Variants in CDK6 observed in about 807,000 individuals in gnomAD.
CDK6 encodes cyclin dependent kinase 6.
A neutral mutation model predicts 37.1 loss-of-function variants in CDK6; 6 were observed. The observed-to-expected ratio is 0.16, with a 90% CI of 0.09 to 0.32. The LOEUF (loss-of-function observed/expected upper bound fraction) is 0.32, where lower values mean the gene tolerates loss of function less well. CDK6 is among the 10% of genes least tolerant of loss of function. The probability of loss-of-function intolerance (pLI) is 1.00; values close to 1 mark genes in which losing one functional copy is unlikely to be tolerated. For synonymous variants in CDK6, 160 were observed against 161.3 expected (o/e 0.99, Z 0.06); for missense variants, 224 against 418.9 (o/e 0.53, Z 4.06).
At chr7:92,777,434 C>T (rs552392308) in intron 2 of CDK6, among the ~76,000 whole-genome samples, 10 of 152,250 alleles carry the variant, frequency 6.6e-5, no homozygotes, top group East Asian at 1.9e-4. Flanking sequence ...TTAGTAGAGA[C>T]GGGGTTACTC....
chr7:92,652,225 C>T (rs556952889), intron 5 of CDK6, among the ~76,000 whole-genome samples: 1 of 152,194 alleles, frequency 6.6e-6, no homozygotes, highest in Non-Finnish European at 1.5e-5. Flanking sequence ...ACACATCACC[C>T]ACCTGAGAGT....
In CDK6 at chr7:92,730,933, T is replaced by A. The variant is rs527573802; in HGVS notation, c.370-5140A>T. Among the ~76,000 whole-genome samples, 4 of 152,272 alleles carry A rather than the reference T, an allele frequency of 2.6e-5. No homozygotes were observed. The South Asian group carries it at 8.3e-4, about 32-fold the overall frequency. ...ATTGCTGGATCTATTCCCAGAATGT[T>A]TTAAAACCATGGTTCTCCCATAAAA... On this transcript the variant is annotated intron_variant, in intron 3 of 7. Transcript: ENST00000424848.
chr7:92,688,838 G>C (rs1797530902), intron 4 of CDK6, among the ~76,000 whole-genome samples: 1 of 152,024 alleles, frequency 6.6e-6, no homozygotes, highest in African/African-American at 2.4e-5. Flanking sequence ...CTTAGTTAAG[G>C]GGCAAACCAC....
chr7:92,756,926 G>C (rs959564395), intron 3 of CDK6, among the ~76,000 whole-genome samples: 1 of 152,056 alleles, frequency 6.6e-6, no homozygotes, highest in Admixed American at 6.5e-5. Context: ...TTGTGAGAGA[G>C]CTACTGAATT....
At position 92,609,829 on chromosome 7, in the gene CDK6, G is replaced by T; in HGVS notation, c.*5311C>A. ...TTCAAAAATTTTTTCTTGACTGAAT[G>T]AATGACTAGGCTTTCTTTACTTAAA... On this transcript the variant is annotated 3_prime_UTR_variant, in exon 8 of 8. Coordinates refer to ENST00000424848, the MANE Select transcript of CDK6 (RefSeq NM_001145306.2). The T allele has an allele frequency of 4.3e-6, 1 of 230,654 alleles. No homozygotes were observed. The highest frequency in any genetic ancestry group is 8.6e-6 in the Non-Finnish European group (1 of 116,480). The allele number at this position is 230,654 out of a possible 1,614,324, so 14.3% of individuals were successfully genotyped here.
At chr7:92,657,477 G>A (rs1349246609) in intron 5 of CDK6, among the ~76,000 whole-genome samples, 3 of 152,156 alleles carry the variant, frequency 2.0e-5, no homozygotes, top group African/African-American at 7.2e-5. Flanking sequence ...AGGCACTTCT[G>A]AAATTCTGTA....
chr7:92,670,810 A>T lies in CDK6; in HGVS notation c.647+616T>A, dbSNP rs564129754. Among the ~76,000 whole-genome samples, 5 of 152,246 alleles carry T rather than the reference A, an allele frequency of 3.3e-5. No individual in the cohort carries two copies. In the South Asian group the frequency reaches 1.0e-3, roughly 32 times the overall value. ...TCTCACAAACCCCAATCCACTCTTC[A>T]GATAACTGTCTAATCATTAGATTTC... On this transcript the variant is annotated intron_variant, in intron 5 of 7. Transcript: ENST00000424848.
chr7:92,745,800 T>C (rs974712138), intron 3 of CDK6, among the ~76,000 whole-genome samples: 1 of 152,186 alleles, frequency 6.6e-6, no homozygotes, highest in Non-Finnish European at 1.5e-5. Flanking sequence ...CTTCATACTA[T>C]ATTTATCAAT....
intron 2 of CDK6, among the ~76,000 whole-genome samples, chr7:92,825,968 C>T (rs563574951): frequency 2.0e-5 from 3 of 152,154 alleles, no homozygotes; most frequent in Admixed American, 1.3e-4. Context: ...ATGAAACTTC[C>T]TTTTTTCAGT....
In CDK6 at chr7:92,739,574, G is replaced by A. The variant is rs569413642; in HGVS notation, c.370-13781C>T. On this transcript the variant is annotated intron_variant, in intron 3 of 7. Transcript: ENST00000424848. Reference sequence around the variant, plus strand: ...CCCAAACACATATCTAACAAGTCACGAAATCATGGTAATTATAGTTCCTAC... The same window carrying A: ...CCCAAACACATATCTAACAAGTCACAAAATCATGGTAATTATAGTTCCTAC... Among the ~76,000 whole-genome samples, 21 of 152,274 alleles carry A rather than the reference G, an allele frequency of 1.4e-4. No homozygotes were observed. In the East Asian group the frequency reaches 4.0e-3, roughly 29 times the overall value.
At chr7:92,624,649 T>C (rs193244429) in intron 5 of CDK6, among the ~76,000 whole-genome samples, 5 of 152,264 alleles carry the variant, frequency 3.3e-5, no homozygotes, top group Admixed American at 3.3e-4. Context: ...AATCACGAAG[T>C]TGCGCTCTGA....
intron 5 of CDK6, among the ~76,000 whole-genome samples, chr7:92,655,756 A>T (rs1340368578): frequency 6.6e-6 from 1 of 152,252 alleles, no homozygotes; most frequent in Admixed American, 6.5e-5. Context: ...AATCTCCACT[A>T]GAAATCTGCC....
intron 2 of CDK6, among the ~76,000 whole-genome samples, chr7:92,822,316 TC>T (rs1801195005): frequency 1.3e-5 from 2 of 152,152 alleles, no homozygotes; most frequent in African/African-American, 4.8e-5. Flanking sequence ...TACTTGCCAA[TC>T]ATTACATTAT....
chr7:92,645,131 A>G (rs573662434), intron 5 of CDK6, among the ~76,000 whole-genome samples: 2 of 152,342 alleles, frequency 1.3e-5, no homozygotes, highest in South Asian at 2.1e-4. Context: ...TCTCTTTGGG[A>G]TGAACCTTCT....
chr7:92,644,704 T>C (rs1466136173), intron 5 of CDK6, among the ~76,000 whole-genome samples: 1 of 152,210 alleles, frequency 6.6e-6, no homozygotes, highest in Non-Finnish European at 1.5e-5. Context: ...GCTCATACTT[T>C]AATTATTGGA....
intron 2 of CDK6, among the ~76,000 whole-genome samples, chr7:92,801,405 C>T (rs1018095565): frequency 5.3e-5 from 8 of 150,496 alleles, no homozygotes; most frequent in Admixed American, 5.3e-4. Context: ...TGCGTGCTCT[C>T]TCTCTCTCTC....
intron 3 of CDK6, among the ~76,000 whole-genome samples, chr7:92,748,942 C>CTGTA (rs1173060075): frequency 6.6e-6 from 1 of 151,726 alleles, no homozygotes; most frequent in African/African-American, 2.4e-5. Context: ...TGGCTCACAC[C>CTGTA]TGTAATCCCA....
intron 3 of CDK6, among the ~76,000 whole-genome samples, chr7:92,767,460 G>T (rs1799610730): frequency 6.6e-6 from 1 of 152,142 alleles, no homozygotes; most frequent in Admixed American, 6.5e-5. Context: ...AGGTTACACT[G>T]AAGATTTTAT....
rs889356575 is a variant in CDK6 at position 92,833,364 on chromosome 7, C to CG, written c.-42dup. 2.7e-5 allele frequency: 39 copies of CG among 1,439,384 alleles called. 1 individual carries two copies. The African/African-American group carries it at 4.6e-4, about 17-fold the overall frequency. The allele number at this position is 1,439,384 out of a possible 1,614,324, so 89.2% of individuals were successfully genotyped here. On this transcript the variant is annotated 5_prime_UTR_variant, in exon 2 of 8. Coordinates refer to ENST00000424848, the MANE Select transcript of CDK6 (RefSeq NM_001145306.2). The surrounding 1 kb of genome is among the most constrained non-coding windows in gnomAD (Gnocchi z 6.1). ...CCCGCCGCGGCGCCGCTGGGGCGGG[C>CG]GGGGGGTGCGCTCAACTAGCTGGCG... is the stretch of plus-strand genomic sequence containing the variant.
Sources: gnomAD v4.1 joint callset for allele counts (sites outside exome capture counted in the v4.1 genomes callset) on GRCh38, gnomAD v4.1.1 for gene constraint, Gnocchi (gnomAD v3.1) non-coding constraint, MANE v1.5 for transcripts, NCBI Gene and HGNC (gene_info 2026-07-23, HGNC 2026-07-21) for gene names.